The following RBPJ variants were observed in gnomAD, a reference collection of about 807,000 sequenced individuals.
RBPJ encodes the protein recombining binding protein suppressor of hairless.
RBPJ carries 9 observed loss-of-function variants against 67.8 expected under a neutral mutation model. The ratio of observed to expected loss-of-function variants is 0.13; its 90% CI spans 0.08 to 0.23. RBPJ has a LOEUF of 0.23. Among genes scored for constraint, RBPJ ranks in the 10% least tolerant of loss-of-function variants. The pLI is 1.00. For missense variants in RBPJ, 305 were observed against 595.6 expected, an observed-to-expected ratio of 0.51 and a Z score of 5.08; for synonymous variants, 198 against 203.3, an observed-to-expected ratio of 0.97 and a Z score of 0.22.
chr4:26,392,473 T>G (rs959353407), intron 2 of RBPJ, among the ~76,000 whole-genome samples: 9 of 152,218 alleles, frequency 5.9e-5, no homozygotes, highest in Admixed American at 3.9e-4. Flanking sequence ...GAATTTCTAT[T>G]AAGCAGTAAA....
At chr4:26,226,196 GT>G (rs1031130484) in intron 1 of RBPJ, among the ~76,000 whole-genome samples, 4 of 151,574 alleles carry the variant, frequency 2.6e-5, no homozygotes, top group Non-Finnish European at 5.9e-5. Context: ...TGGGTATGGT[GT>G]TTTACGCCTG....
chr4:26,351,227 G>T (rs1271342776), intron 1 of RBPJ, among the ~76,000 whole-genome samples: 1 of 152,158 alleles, frequency 6.6e-6, no homozygotes, highest in Non-Finnish European at 1.5e-5. Flanking sequence ...ATTAGTGCGT[G>T]ATCTCTGACA....
chr4:26,317,706 A>G (rs1722701099), upstream of RBPJ, among the ~76,000 whole-genome samples: 1 of 152,330 alleles, frequency 6.6e-6, no homozygotes, highest in Admixed American at 6.5e-5. Context: ...CTGAAGGTGG[A>G]GCCAATAGGA....
upstream of RBPJ, chr4:26,320,711 G>A (rs200809018): frequency 3.6e-4 from 561 of 1,542,188 alleles, 2 homozygotes; most frequent in African/African-American, 6.7e-3. Flanking sequence ...CTCCACGTAC[G>A]TCCCTCAAAG....
At chr4:26,117,160 A>G in the RBPJ span, among the ~76,000 whole-genome samples, 79 of 152,278 alleles carry the variant, frequency 5.2e-4, no homozygotes, top group African/African-American at 1.8e-3. Flanking sequence ...TGCTGGACAG[A>G]ACATAGTGGT....
chr4:26,422,819 C>A (rs1455602863), intron 5 of RBPJ, among the ~76,000 whole-genome samples: 6 of 152,194 alleles, frequency 3.9e-5, no homozygotes, highest in Non-Finnish European at 7.3e-5. Flanking sequence ...TGTACTCCAG[C>A]CCCACTTTCT....
intron 1 of RBPJ, among the ~76,000 whole-genome samples, chr4:26,189,605 C>T (rs2109138835): frequency 6.6e-6 from 1 of 152,056 alleles, no homozygotes; most frequent in South Asian, 2.1e-4. Context: ...TTTCAGTGAG[C>T]CAAGATTGCA....
chr4:26,430,999 G>T lies in RBPJ; in HGVS notation c.1456G>T (p.Val486Leu), dbSNP rs1425101645. ...TSVTSSTATV[V>L]S ...TGTCACATCATCTACAGCCACAGTG[G>T]TATCCTAACTACCGTCTTTTTGCTA... The change falls in exon 11 of 11, where the codon GTA becomes TTA. Residue 486 changes from valine to leucine, a missense_variant. Around this residue, in one of 7 missense-constraint regions of RBPJ, gnomAD observed 51 missense variants for 52.8 expected, o/e 0.97. Coordinates refer to ENST00000355476, the MANE Select transcript of RBPJ (RefSeq NM_015874.6). This position sits in a 1 kb window ranked among gnomAD's most constrained non-coding sequence, Gnocchi z 4.1. 1 of 1,613,042 alleles carries T rather than the reference G, an allele frequency of 6.2e-7. No individual in the cohort carries two copies. The highest frequency in any genetic ancestry group is 8.5e-7 in the Non-Finnish European group (1 of 1,179,432).
At chr4:26,235,967 T>A (rs1031065945) in intron 1 of RBPJ, among the ~76,000 whole-genome samples, 3 of 152,240 alleles carry the variant, frequency 2.0e-5, no homozygotes, top group African/African-American at 7.2e-5. Flanking sequence ...GAACTTTCAA[T>A]ATATTCAATC....
intron 1 of RBPJ, among the ~76,000 whole-genome samples, chr4:26,195,278 G>T (rs941836898): frequency 1.3e-5 from 2 of 152,176 alleles, no homozygotes; most frequent in African/African-American, 4.8e-5. Context: ...GCTGAGGCAG[G>T]AGGATCACTT....
chr4:26,338,251 A>C (rs1725106911), intron 1 of RBPJ, among the ~76,000 whole-genome samples: 1 of 140,316 alleles, frequency 7.1e-6, no homozygotes, highest in Non-Finnish European at 1.5e-5. Flanking sequence ...TGCCTCCCGG[A>C]TTCAAGCAAT....
intron 1 of RBPJ, among the ~76,000 whole-genome samples, chr4:26,252,295 T>TTA (rs1720141439): frequency 6.6e-6 from 1 of 152,006 alleles, no homozygotes; most frequent in Non-Finnish European, 1.5e-5. Context: ...TTATGTGACT[T>TTA]TTTAAAGTCA....
chr4:26,283,471 G>A (rs1193921723), intron 1 of RBPJ, among the ~76,000 whole-genome samples: 1 of 151,076 alleles, frequency 6.6e-6, no homozygotes, highest in African/African-American at 2.4e-5. Flanking sequence ...CTTGAACCCG[G>A]GAGGCGGAGG....
chr4:26,168,210 C>T (rs1332877316), intron 1 of RBPJ, among the ~76,000 whole-genome samples: 1 of 152,190 alleles, frequency 6.6e-6, no homozygotes, highest in East Asian at 1.9e-4. Context: ...GCAGCTGGTA[C>T]AAGTTGTGCC....
At chr4:26,376,625 G>GT (rs1391268626) in intron 1 of RBPJ, among the ~76,000 whole-genome samples, 1 of 152,150 alleles carries the variant, frequency 6.6e-6, no homozygotes, top group Non-Finnish European at 1.5e-5. Flanking sequence ...TCCAGCTTCT[G>GT]TTTTTTCTGA....
At chr4:26,182,937 G>A (rs777489220) in intron 1 of RBPJ, among the ~76,000 whole-genome samples, 1 of 152,152 alleles carries the variant, frequency 6.6e-6, no homozygotes, top group Non-Finnish European at 1.5e-5. Flanking sequence ...AACATGCATA[G>A]AACTGTCATC....
At chr4:26,399,043 A>G (rs1293364695) in intron 2 of RBPJ, among the ~76,000 whole-genome samples, 1 of 152,202 alleles carries the variant, frequency 6.6e-6, no homozygotes, top group African/African-American at 2.4e-5. Context: ...CTTAGGAATT[A>G]AAAACTTCCC....
chr4:26,271,233 G>T (rs1204275325), intron 1 of RBPJ, among the ~76,000 whole-genome samples: 3 of 152,084 alleles, frequency 2.0e-5, no homozygotes, highest in Admixed American at 6.5e-5. Flanking sequence ...TTTATCATAG[G>T]TATGCATGTA....
chr4:26,176,186 G>T (rs1173235219), intron 1 of RBPJ, among the ~76,000 whole-genome samples: 1 of 152,214 alleles, frequency 6.6e-6, no homozygotes, highest in Non-Finnish European at 1.5e-5. Context: ...TTAACTGGGT[G>T]TCTGTACTTT....
Sources: allele counts gnomAD v4.1 joint callset (sites outside exome capture counted in the v4.1 genomes callset), GRCh38; gene constraint gnomAD v4.1.1; regional missense constraint gnomAD v4.1.1; non-coding constraint Gnocchi (gnomAD v3.1); transcripts MANE v1.5; gene names NCBI Gene and HGNC (gene_info 2026-07-23, HGNC 2026-07-21).